TNFSF4: variants seen among roughly 807,000 people sequenced by gnomAD.
TNFSF4 encodes tumor necrosis factor ligand superfamily member 4.
In TNFSF4, 4 loss-of-function variants were observed where a neutral mutation model predicts 7.3. That is an observed-to-expected ratio of 0.55 (90% CI 0.27 to 1.25). TNFSF4 has a LOEUF of 1.25. TNFSF4 is among the 50% of genes most tolerant of loss of function. The pLI, the probability that TNFSF4 is intolerant of heterozygous loss-of-function variation, is 0.12. For missense variants in TNFSF4, 181 were observed against 208.8 expected, an observed-to-expected ratio of 0.87 and a Z score of 0.82; for synonymous variants, 76 against 83.7, an observed-to-expected ratio of 0.91 and a Z score of 0.50.
At chr1:173,191,958 C>G (rs1444802488) in intron 1 of TNFSF4, among the ~76,000 whole-genome samples, 2 of 152,168 alleles carry the variant, frequency 1.3e-5, no homozygotes, top group Non-Finnish European at 2.9e-5. Flanking sequence ...AGGCAGATCA[C>G]ATGAGATCAG....
chr1:173,190,986 GTT>G (rs1649453358), intron 1 of TNFSF4, among the ~76,000 whole-genome samples: 1 of 152,146 alleles, frequency 6.6e-6, no homozygotes, highest in African/African-American at 2.4e-5. Context: ...GTGACTTTAA[GTT>G]TAATTTAATA....
At chr1:173,306,353 T>G in the TNFSF4 span, among the ~76,000 whole-genome samples, 2 of 78,164 alleles carry the variant, frequency 2.6e-5, no homozygotes, top group Non-Finnish European at 6.5e-5. Context: ...AAGATGGGGG[T>G]AATCATATTA....
chr1:173,233,283 A>G, the TNFSF4 span, among the ~76,000 whole-genome samples: 1 of 152,228 alleles, frequency 6.6e-6, no homozygotes, highest in Admixed American at 6.5e-5. Context: ...TAGAGAAAAA[A>G]CAGTAAAAAG....
chr1:173,178,159 G>A, the TNFSF4 span, among the ~76,000 whole-genome samples: 1 of 152,046 alleles, frequency 6.6e-6, no homozygotes, highest in African/African-American at 2.4e-5. Context: ...AAAATCACAT[G>A]TTTCATAGTC....
chr1:173,265,653 C>T, the TNFSF4 span, among the ~76,000 whole-genome samples: 4,031 of 152,182 alleles, frequency 0.026, 170 homozygotes, highest in African/African-American at 0.092. Flanking sequence ...TGATTTCACC[C>T]ACACACTCTG....
At chr1:173,388,906 TAA>T in the TNFSF4 span, among the ~76,000 whole-genome samples, 2 of 152,124 alleles carry the variant, frequency 1.3e-5, no homozygotes, top group Admixed American at 6.5e-5. Flanking sequence ...GCCCAGAAAC[TAA>T]AAAGTTTCAG....
chr1:173,439,113 A>C, the TNFSF4 span, among the ~76,000 whole-genome samples: 4 of 152,226 alleles, frequency 2.6e-5, no homozygotes, highest in Non-Finnish European at 5.9e-5. Flanking sequence ...AGTTCTGCAG[A>C]TCCAGTCCTG....
At chr1:173,356,230 T>A in the TNFSF4 span, among the ~76,000 whole-genome samples, 1 of 152,204 alleles carries the variant, frequency 6.6e-6, no homozygotes, top group Admixed American at 6.5e-5. Context: ...TACCAAGAAT[T>A]TCCAGTGAGG....
the TNFSF4 span, among the ~76,000 whole-genome samples, chr1:173,221,637 G>C: frequency 2.0e-5 from 3 of 152,330 alleles, no homozygotes; most frequent in East Asian, 5.8e-4. Context: ...GGAGCAGATA[G>C]GGAGAGGCAG....
At chr1:173,246,425 TA>T in the TNFSF4 span, among the ~76,000 whole-genome samples, 1 of 152,216 alleles carries the variant, frequency 6.6e-6, no homozygotes, top group Admixed American at 6.5e-5. Context: ...CAAAGGATTA[TA>T]AATCATTCTA....
the TNFSF4 span, among the ~76,000 whole-genome samples, chr1:173,321,562 T>A: frequency 2.0e-5 from 3 of 151,516 alleles, no homozygotes; most frequent in Admixed American, 2.0e-4. Context: ...TGGGAGAAAA[T>A]TTTTGCAAGA....
At chr1:173,294,688 G>A in the TNFSF4 span, among the ~76,000 whole-genome samples, 1 of 151,974 alleles carries the variant, frequency 6.6e-6, no homozygotes, top group Non-Finnish European at 1.5e-5. Context: ...TAATAAATAT[G>A]TGTACAGAAG....
the TNFSF4 span, among the ~76,000 whole-genome samples, chr1:173,378,357 C>G: frequency 6.6e-6 from 1 of 152,190 alleles, no homozygotes; most frequent in Non-Finnish European, 1.5e-5. Context: ...TTCTGAACAG[C>G]AGGGTCCAGG....
the TNFSF4 span, among the ~76,000 whole-genome samples, chr1:173,299,717 A>T: frequency 3.9e-5 from 6 of 152,002 alleles, 1 homozygote; most frequent in South Asian, 1.2e-3. Context: ...TTTGCAAACA[A>T]TCTAAATTTG....
chr1:173,311,897 T>G, the TNFSF4 span, among the ~76,000 whole-genome samples: 1 of 152,136 alleles, frequency 6.6e-6, no homozygotes, highest in Non-Finnish European at 1.5e-5. Context: ...TTTCACTATT[T>G]TACTTCTTTT....
the TNFSF4 span, among the ~76,000 whole-genome samples, chr1:173,285,764 C>T: frequency 6.6e-6 from 1 of 152,118 alleles, no homozygotes; most frequent in Admixed American, 6.5e-5. Flanking sequence ...TATTTTTAGA[C>T]GTGATGCTAT....
the TNFSF4 span, among the ~76,000 whole-genome samples, chr1:173,431,341 C>G: frequency 6.6e-6 from 1 of 152,192 alleles, no homozygotes. Context: ...GGTCTTTACA[C>G]TCCATTCTTG....
At chr1:173,358,708 T>C in the TNFSF4 span, among the ~76,000 whole-genome samples, 2 of 152,228 alleles carry the variant, frequency 1.3e-5, no homozygotes, top group Non-Finnish European at 2.9e-5. Context: ...ATTCTGACAA[T>C]GGAATATCAT....
Position 173,192,957 on chromosome 1 carries a change from G to A in TNFSF4, c.154-4388C>T, listed in dbSNP as rs367654606. Reference sequence around the variant, plus strand: ...TCAGCAATTATTCTTGGATGCACACGGAAAACAATATCCATGTCATGTTCA... The same window carrying A: ...TCAGCAATTATTCTTGGATGCACACAGAAAACAATATCCATGTCATGTTCA... On this transcript the variant is annotated intron_variant, in intron 1 of 2. Coordinates refer to ENST00000281834, the MANE Select transcript of TNFSF4 (RefSeq NM_003326.5). 1.1e-4 allele frequency among the ~76,000 whole-genome samples: 17 copies of A among 152,074 alleles called. No individual in the cohort carries two copies. The East Asian group carries it at 1.5e-3, about 14-fold the overall frequency.
Sources: gnomAD v4.1 joint callset for allele counts (sites outside exome capture counted in the v4.1 genomes callset) on GRCh38, gnomAD v4.1.1 for gene constraint, MANE v1.5 for transcripts, NCBI Gene and HGNC (gene_info 2026-07-23, HGNC 2026-07-21) for gene names.